The following LAMA2 variants were observed in gnomAD, a reference collection of about 807,000 sequenced individuals.
The protein encoded by LAMA2 is laminin subunit alpha-2.
In LAMA2, 269 loss-of-function variants were observed where a neutral mutation model predicts 364.8. The observed-to-expected ratio is 0.74, with a 90% CI of 0.67 to 0.82. The LOEUF (loss-of-function observed/expected upper bound fraction) is 0.82, where lower values mean the gene tolerates loss of function less well. Ranked by LOEUF, LAMA2 falls within the 40% of genes least tolerant of loss-of-function variation. LAMA2 has a pLI of 0.00. For missense variants in LAMA2, 3,807 were observed against 3,873.2 expected (o/e 0.98, Z 0.45); for synonymous variants, 1,379 against 1,370.6 (o/e 1.01, Z -0.14).
At chr6:129,476,797 T>TAAC (rs1554304280) in intron 53 of LAMA2, among the ~76,000 whole-genome samples, 2 of 130,390 alleles carry the variant, frequency 1.5e-5, no homozygotes, top group African/African-American at 5.9e-5. Flanking sequence ...ATGTTCTTTA[T>TAAC]AACAACCAGC....
At chr6:129,476,985 T>A (rs144895171) in intron 53 of LAMA2, among the ~76,000 whole-genome samples, 84 of 151,204 alleles carry the variant, frequency 5.6e-4, no homozygotes, top group Admixed American at 1.1e-3. Context: ...TCATGCCATG[T>A]GTTTTTCATT....
intron 17 of LAMA2, among the ~76,000 whole-genome samples, chr6:129,273,671 T>C (rs1788095188): frequency 6.6e-6 from 1 of 152,124 alleles, no homozygotes; most frequent in South Asian, 2.1e-4. Flanking sequence ...AGAAAGAAAG[T>C]CTGCAAGCAT....
chr6:129,231,646 A>G (rs1784674600), intron 12 of LAMA2, among the ~76,000 whole-genome samples: 1 of 152,126 alleles, frequency 6.6e-6, no homozygotes, highest in Non-Finnish European at 1.5e-5. Context: ...TTTTCTAGGC[A>G]TACACACACT....
In LAMA2 at chr6:129,478,822, G is replaced by A; in HGVS notation, c.7572+9G>A. ...AAGGATGTTCCCTGGAGGTTGGTCT[G>A]TTTTTGATAGTTCTCTAAACACATT... On this transcript the variant is annotated intron_variant, in intron 54 of 64. Transcript: ENST00000421865. The A allele has an allele frequency of 1.2e-6, 2 of 1,610,380 alleles. No individual in the cohort carries two copies. Among genetic ancestry groups the A allele is most frequent in the Non-Finnish European group, 8.5e-7 (1 of 1,176,700 alleles).
intron 40 of LAMA2, 92 bp from the exon 41 acceptor site, chr6:129,427,660 A>G: frequency 1.1e-6 from 1 of 889,914 alleles, no homozygotes; most frequent in Non-Finnish European, 1.9e-6. Flanking sequence ...CTCTTTCCTA[A>G]AGGCAAACTC....
chr6:129,353,039 A>T, intron 31 of LAMA2, 125 bp from the exon 32 acceptor site: 1 of 657,990 alleles, frequency 1.5e-6, no homozygotes, highest in Non-Finnish European at 2.6e-6. Context: ...CCTTTACAGG[A>T]AAAGTTAACT....
intron 1 of LAMA2, among the ~76,000 whole-genome samples, chr6:128,883,890 T>C (rs1253956643): frequency 6.6e-6 from 1 of 152,008 alleles, no homozygotes; most frequent in Non-Finnish European, 1.5e-5. Flanking sequence ...TAAAACAGGA[T>C]TTCTAAAGAA....
chr6:129,405,114 T>A (rs6923141), intron 40 of LAMA2, among the ~76,000 whole-genome samples: 76,297 of 151,874 alleles, frequency 0.5, 19,652 homozygotes, highest in African/African-American at 0.62. Flanking sequence ...CCATCTTCTG[T>A]TAGATAATTT....
rs1562581016 is a variant in LAMA2 at position 129,456,327 on chromosome 6, C to G, written c.6708-8C>G. ...TCCTCCCCTTCACTTCAACACGTAC[C>G]CTTGAAGAACTGGGAGAAATGGAAC... On this transcript the variant is annotated splice_polypyrimidine_tract_variant and splice_region_variant and intron_variant, in intron 47 of 64. Transcript: ENST00000421865. The G allele has an allele frequency of 9.3e-6, 15 of 1,612,506 alleles. No homozygotes were observed. The highest frequency in any genetic ancestry group is 1.3e-5 in the Non-Finnish European group (15 of 1,178,912).
rs746762473 is a variant in LAMA2, at chr6:129,402,366, G to A, written c.5605G>A (p.Glu1869Lys). ...IQTKLPPMSEELNDKIDDLSQ... is the reference protein window; with the variant it reads ...IQTKLPPMSEKLNDKIDDLSQ... The stretch of plus-strand genomic sequence containing the variant: ...AACTAAATTGCCACCTATGTCTGAG[G>A]AGCTTAATGATAAAATAGATGACCT... The change falls in exon 39 of 65, where the codon GAG (glutamate) becomes AAG (lysine). Residue 1869 changes from glutamate (E) to lysine (K), a missense_variant. Physicochemically the swap from Glu to Lys is moderately conservative, Grantham distance 56 (BLOSUM62 1). Transcript: ENST00000421865. 1 of 1,614,010 alleles carries A rather than the reference G, an allele frequency of 6.2e-7. No homozygotes were observed. The highest frequency in any genetic ancestry group is 8.5e-7 in the Non-Finnish European group (1 of 1,179,954).
intron 3 of LAMA2, among the ~76,000 whole-genome samples, chr6:129,080,780 T>C (rs1176896026): frequency 6.6e-6 from 1 of 152,146 alleles, no homozygotes. Context: ...TAGGAATGCT[T>C]TTACACCGTT....
In LAMA2 at chr6:129,190,323, G is replaced by A. The variant is rs370691060; in HGVS notation, c.1586G>A (p.Ser529Asn). 2,059 of 1,613,556 alleles carry A rather than the reference G, an allele frequency of 1.3e-3. 46 individuals are homozygous for A. In the South Asian group the frequency reaches 0.021, roughly 16 times the overall value. The change falls in exon 11 of 65, where the codon AGT (serine) becomes AAT (asparagine). Residue 529 changes from serine to asparagine, a missense_variant. Transcript: ENST00000421865. ...FCSGVSNRCQ[S>N]SYWTYGKIQD... is the part of the protein sequence containing the mutation. ...TCAGGGGTTTCAAACAGATGTCAGA[G>A]TTCCTACTGGACCTATGGCAAAGTA...
At chr6:129,405,619 T>C (rs536601778) in intron 40 of LAMA2, among the ~76,000 whole-genome samples, 2 of 152,274 alleles carry the variant, frequency 1.3e-5, no homozygotes, top group East Asian at 3.9e-4. Context: ...CAGTGATTTA[T>C]TAAATGACTA....
intron 20 of LAMA2, among the ~76,000 whole-genome samples, chr6:129,295,447 A>G (rs973580964): frequency 1.3e-5 from 2 of 151,974 alleles, no homozygotes. Context: ...ACTGACCATG[A>G]ATGTCTGCTC....
intron 39 of LAMA2, 132 bp downstream of exon 39, chr6:129,402,619 T>A: frequency 1.1e-6 from 1 of 897,860 alleles, no homozygotes; most frequent in Non-Finnish European, 1.8e-6. Flanking sequence ...TATATGGCCT[T>A]TCTGTGGATA....
chr6:129,235,011 GGA>G (rs1406573401), intron 12 of LAMA2, among the ~76,000 whole-genome samples: 1 of 151,982 alleles, frequency 6.6e-6, no homozygotes, highest in African/African-American at 2.4e-5. Context: ...TTTAAAAGTG[GGA>G]GTAAAATCTT....
intron 1 of LAMA2, among the ~76,000 whole-genome samples, chr6:129,036,461 AT>A (rs1287008210): frequency 8.5e-5 from 13 of 152,280 alleles, no homozygotes; most frequent in African/African-American, 3.1e-4. Context: ...AAACATTGGT[AT>A]TCTATAAACA....
intron 34 of LAMA2, among the ~76,000 whole-genome samples, chr6:129,371,878 A>T (rs1480228579): frequency 6.6e-6 from 1 of 152,096 alleles, no homozygotes; most frequent in Non-Finnish European, 1.5e-5. Context: ...AAATGCTGGG[A>T]TTACAGGCAT....
At chr6:129,256,780 A>ATATATATATG (rs1554257747) in intron 14 of LAMA2, among the ~76,000 whole-genome samples, 1 of 136,222 alleles carries the variant, frequency 7.3e-6, no homozygotes, top group Admixed American at 7.2e-5. Flanking sequence ...ATATATATAT[A>ATATATATATG]TATATATATA....
Sources: allele counts gnomAD v4.1 joint callset (sites outside exome capture counted in the v4.1 genomes callset), GRCh38; gene constraint gnomAD v4.1.1; transcripts MANE v1.5; gene names NCBI Gene and HGNC (gene_info 2026-07-23, HGNC 2026-07-21).